The following PATJ variants were observed in gnomAD, a reference collection of about 807,000 sequenced individuals.
The protein encoded by PATJ is inaD-like protein.
PATJ carries 190 observed loss-of-function variants against 224.9 expected under a neutral mutation model. The ratio of observed to expected loss-of-function variants is 0.84; its 90% confidence interval spans 0.75 to 0.95. The LOEUF (loss-of-function observed/expected upper bound fraction) is 0.95, where lower values mean the gene tolerates loss of function less well. Among genes scored for constraint, PATJ ranks in the 40% least tolerant of loss-of-function variants. The pLI, the probability that PATJ is intolerant of heterozygous loss-of-function variation, is 0.00. For missense variants in PATJ, 2,121 were observed against 2,270.3 expected (o/e 0.93, Z 1.34); for synonymous variants, 769 against 820.3 (o/e 0.94, Z 1.07).
chr1:62,077,287 A>G (rs1658458013), intron 31 of PATJ, among the ~76,000 whole-genome samples: 1 of 152,180 alleles, frequency 6.6e-6, no homozygotes, highest in Non-Finnish European at 1.5e-5. Context: ...AGTCCTCTCA[A>G]TGTTGTTTTC....
intron 26 of PATJ, among the ~76,000 whole-genome samples, chr1:61,919,073 T>C (rs955850604): frequency 1.3e-5 from 2 of 152,196 alleles, no homozygotes; most frequent in East Asian, 3.8e-4. Context: ...ATCTTGAAAG[T>C]AATTTTTCAT....
At chr1:61,769,256 C>G (rs1646465009) in intron 4 of PATJ, 27 bp from the exon 5 acceptor site, 1 of 1,322,206 alleles carries the variant, frequency 7.6e-7, no homozygotes, top group African/African-American at 1.5e-5. Context: ...ACACCATTGA[C>G]TTTTTTTTTT....
At chr1:62,124,751 C>G (rs764954821) in intron 39 of PATJ, among the ~76,000 whole-genome samples, 4 of 152,156 alleles carry the variant, frequency 2.6e-5, no homozygotes, top group South Asian at 2.1e-4. Flanking sequence ...TTGTGTGTCA[C>G]TCATCATCCC....
intron 16 of PATJ, among the ~76,000 whole-genome samples, chr1:61,828,502 G>A (rs1409912510): frequency 2.7e-5 from 4 of 149,256 alleles, no homozygotes; most frequent in African/African-American, 4.9e-5. Flanking sequence ...CAATCCTCCC[G>A]CCTCAGCCTC....
intron 33 of PATJ, among the ~76,000 whole-genome samples, chr1:62,092,187 G>A (rs1185984386): frequency 2.0e-5 from 3 of 151,540 alleles, no homozygotes; most frequent in Non-Finnish European, 2.9e-5. Flanking sequence ...AGACTAACCT[G>A]GGCAACATGG....
chr1:61,795,163 T>TGA (rs1268946564), intron 9 of PATJ, among the ~76,000 whole-genome samples: 1 of 148,932 alleles, frequency 6.7e-6, no homozygotes, highest in African/African-American at 2.5e-5. Context: ...AGAGACAGAC[T>TGA]GAGAGAGAGT....
chr1:62,035,167 G>A (rs1038125476), intron 29 of PATJ, among the ~76,000 whole-genome samples: 1 of 152,134 alleles, frequency 6.6e-6, no homozygotes, highest in Non-Finnish European at 1.5e-5. Context: ...ACTGAGGAAT[G>A]GATTGTACTC....
At chr1:61,894,270 C>CAAAAAA (rs71050178) in intron 22 of PATJ, among the ~76,000 whole-genome samples, 3 of 148,618 alleles carry the variant, frequency 2.0e-5, no homozygotes, top group Non-Finnish European at 4.5e-5. Context: ...AAAAAAAAAA[C>CAAAAAA]ACAAAAAAAA....
chr1:61,947,111 G>A (rs927167533), intron 27 of PATJ, among the ~76,000 whole-genome samples: 8 of 152,140 alleles, frequency 5.3e-5, no homozygotes, highest in South Asian at 2.1e-4. Context: ...AGCCAACATC[G>A]TACTGAATGG....
In PATJ at chr1:61,822,975, G is replaced by T. The variant is rs1557707987; in HGVS notation, c.1714G>T (p.Val572Leu). The stretch of plus-strand genomic sequence containing the variant: ...GCCTATTCACACTCTGAGGCTTGGT[G>T]TGGAAGTGGATTCCTTTGATGGGCA... ...LLPIHTLRLG[V>L]EVDSFDGHHY... The change falls in exon 15 of 44, where the codon GTG (valine) becomes TTG (leucine). Residue 572 changes from valine to leucine, a missense_variant. Val to Leu is a conservative substitution (Grantham distance 32). Coordinates refer to ENST00000642238, the MANE Select transcript of PATJ (RefSeq NM_001350145.3). 2 of 1,614,122 alleles carry T rather than the reference G, an allele frequency of 1.2e-6. No homozygotes were observed. Among genetic ancestry groups the T allele is most frequent in the East Asian group, 2.2e-5 (1 of 44,876 alleles).
chr1:61,913,609 G>A (rs879180795), intron 25 of PATJ, among the ~76,000 whole-genome samples: 6 of 152,060 alleles, frequency 3.9e-5, no homozygotes, highest in East Asian at 1.9e-4. Flanking sequence ...AAACTGGTTC[G>A]TTCATTTATA....
Position 61,828,238 on chromosome 1 carries a change from C to T in PATJ, c.1980+655C>T, listed in dbSNP as rs1658639525. Among the ~76,000 whole-genome samples the T allele has an allele frequency of 2.1e-5, 3 of 141,480 alleles. 1 individual carries two copies. Among genetic ancestry groups the T allele is most frequent in the African/African-American group, 5.2e-5 (2 of 38,274 alleles). 92.8% of individuals were successfully genotyped at this position (141,480 alleles called of 152,430 possible). On this transcript the variant is annotated intron_variant, in intron 16 of 43. Coordinates refer to ENST00000642238, the MANE Select transcript of PATJ (RefSeq NM_001350145.3). ...AGCTTGGGCAACAAGAGCGAAACTC[C>T]ATCTCAAAAAAAAAAAAAAAGAAAC...
At chr1:62,075,419 G>A (rs780794825) in intron 31 of PATJ, among the ~76,000 whole-genome samples, 1 of 152,272 alleles carries the variant, frequency 6.6e-6, no homozygotes, top group Non-Finnish European at 1.5e-5. Flanking sequence ...ACAATGATGG[G>A]TTTATTTATT....
intron 27 of PATJ, among the ~76,000 whole-genome samples, chr1:61,940,696 C>T (rs1677684619): frequency 7.6e-6 from 1 of 131,606 alleles, no homozygotes; most frequent in South Asian, 2.3e-4. Flanking sequence ...AGCCTGGCAA[C>T]AGAGCAAGAC....
intron 7 of PATJ, among the ~76,000 whole-genome samples, chr1:61,780,675 A>G (rs1390366527): frequency 6.6e-6 from 1 of 151,768 alleles, no homozygotes; most frequent in African/African-American, 2.4e-5. Flanking sequence ...TTTTTCCAAA[A>G]TGCAAAGTGG....
chr1:61,773,884 G>T (rs1169755776), intron 6 of PATJ, among the ~76,000 whole-genome samples: 1 of 152,008 alleles, frequency 6.6e-6, no homozygotes, highest in Non-Finnish European at 1.5e-5. Context: ...ACTTTGGGAG[G>T]CCAAGGCAGG....
intron 29 of PATJ, among the ~76,000 whole-genome samples, chr1:62,030,884 A>G (rs1350358433): frequency 6.6e-6 from 1 of 152,212 alleles, no homozygotes; most frequent in Non-Finnish European, 1.5e-5. Context: ...ACTTCACTCT[A>G]TGAATATACA....
intron 27 of PATJ, among the ~76,000 whole-genome samples, chr1:61,962,654 T>TTA (rs1681475809): frequency 3.9e-5 from 6 of 152,206 alleles, no homozygotes; most frequent in Admixed American, 6.5e-5. Context: ...AATTAGAAGA[T>TTA]ATATTCTTAA....
At chr1:61,813,372 TATATATACAC>T (rs1355027379) in intron 14 of PATJ, among the ~76,000 whole-genome samples, 723 of 44,278 alleles carry the variant, frequency 0.016, 3 homozygotes, top group African/African-American at 0.038. Context: ...TATATATATA[TATATATACAC>T]ACACACACAC....
Sources: allele counts gnomAD v4.1 joint callset (sites outside exome capture counted in the v4.1 genomes callset), GRCh38; gene constraint gnomAD v4.1.1; transcripts MANE v1.5; gene names NCBI Gene and HGNC (gene_info 2026-07-23, HGNC 2026-07-21).